CSPP1: variants seen among roughly 807,000 people sequenced by gnomAD.
CSPP1 encodes centrosome and spindle pole associated protein 1.
Under a neutral mutation model 164.4 loss-of-function variants are expected in CSPP1, and 126 were observed. The observed-to-expected ratio is 0.77, with a 90% CI of 0.66 to 0.89. CSPP1 has a LOEUF of 0.89. Ranked by LOEUF, CSPP1 falls within the 40% of genes least tolerant of loss-of-function variation. The probability of loss-of-function intolerance (pLI) is 0.00; values close to 1 mark genes in which losing one functional copy is unlikely to be tolerated. For missense variants in CSPP1, 1,395 were observed against 1,449.8 expected, an observed-to-expected ratio of 0.96 and a Z score of 0.61; for synonymous variants, 472 against 476.7, an observed-to-expected ratio of 0.99 and a Z score of 0.13.
intron 16 of CSPP1, chr8:67,134,534 A>G (rs1027759898): frequency 6.9e-6 from 1 of 144,574 alleles, no homozygotes; most frequent in Non-Finnish European, 1.5e-5. Context: ...GCACAGGTAG[A>G]GTAGATTTAG....
intron 17 of CSPP1, among the ~76,000 whole-genome samples, chr8:67,142,368 TCTTA>T (rs1452373687): frequency 6.6e-6 from 1 of 152,226 alleles, no homozygotes; most frequent in African/African-American, 2.4e-5. Flanking sequence ...TAGTCAGTTC[TCTTA>T]CTTACTCGTC....
chr8:67,097,938 C>T (rs921452302), intron 7 of CSPP1, among the ~76,000 whole-genome samples: 12 of 151,018 alleles, frequency 7.9e-5, no homozygotes, highest in African/African-American at 2.2e-4. Context: ...ATTTTTATTT[C>T]GTTTTTATAT....
chr8:67,090,435 G>A (rs551774784), intron 4 of CSPP1, among the ~76,000 whole-genome samples: 8 of 151,924 alleles, frequency 5.3e-5, no homozygotes, highest in Admixed American at 1.3e-4. Flanking sequence ...ACAGGTGCGC[G>A]GCCCCAAGCC....
rs555912170 is a variant in CSPP1, at chr8:67,065,831, G to A, written c.-11+1293G>A. On this transcript the variant is annotated intron_variant, in intron 1 of 30. Coordinates refer to ENST00000678616, the MANE Select transcript of CSPP1 (RefSeq NM_001382391.1). The stretch of plus-strand genomic sequence containing the variant: ...GCCCTGAGCCATTGTGCCCGTTCAA[G>A]TTTGGGTCTTCTGCCAGATGGCCGC... Among the ~76,000 whole-genome samples, 4 of 152,276 alleles carry A rather than the reference G, an allele frequency of 2.6e-5. No individual in the cohort carries two copies. In the East Asian group the frequency reaches 7.7e-4, roughly 29 times the overall value.
chr8:67,173,739 T>C (rs879703853), intron 25 of CSPP1: 5 of 152,290 alleles, frequency 3.3e-5, no homozygotes, highest in African/African-American at 7.2e-5. Context: ...ATCAATTACG[T>C]ATACTGTTAT....
In CSPP1 at chr8:67,164,256, T is replaced by G. The variant is rs1284387289; in HGVS notation, c.2711-135T>G. The G allele has an allele frequency of 5.2e-6, 3 of 577,768 alleles. No homozygotes were observed. In the Admixed American group the frequency reaches 9.0e-5, roughly 17 times the overall value. The allele number at this position is 577,768 out of a possible 1,614,324, so 35.8% of individuals were successfully genotyped here. ...TATGATCCATGTATGTGTGTATATATAAAATGTTAAAATATCTTTCATAAA... is the reference window on the plus strand; with the variant it reads ...TATGATCCATGTATGTGTGTATATAGAAAATGTTAAAATATCTTTCATAAA... On this transcript the variant is annotated intron_variant, in intron 23 of 30. Coordinates refer to ENST00000678616, the MANE Select transcript of CSPP1 (RefSeq NM_001382391.1).
chr8:67,168,391 A>G (rs1829889750), intron 24 of CSPP1, among the ~76,000 whole-genome samples: 1 of 152,136 alleles, frequency 6.6e-6, no homozygotes, highest in Non-Finnish European at 1.5e-5. Flanking sequence ...TTTTCTTTTC[A>G]TTAATAAATT....
chr8:67,076,503 T>G lies in CSPP1; in HGVS notation c.121T>G (p.Ser41Ala). 6.3e-7 allele frequency: 1 copy of G among 1,591,620 alleles called. No individual in the cohort carries two copies. The highest frequency in any genetic ancestry group is 2.3e-5 in the East Asian group (1 of 44,060). Residue 41 changes from serine to alanine, a missense_variant, in exon 3 of 31, where the codon TCT becomes GCT. Ser to Ala is a moderately conservative substitution (Grantham distance 99, BLOSUM62 1). Transcript: ENST00000678616. Reference protein sequence around the residue: ...EMKGKLSAKLSENSKILISMA... With the variant: ...EMKGKLSAKLAENSKILISMA... ...TCAGGGAAAGTTGTCAGCGAAGCTT[T>G]CTGAAAACAGTAAGATACTGATCTC...
Position 67,137,596 on chromosome 8 carries a change from T to TTTC in CSPP1, c.1968_1969insTTC (p.Asn656_Leu657insPhe). The TTTC allele has an allele frequency of 6.5e-7, 1 of 1,543,600 alleles. No individual in the cohort carries two copies. On this transcript the variant is annotated inframe_insertion, in exon 17 of 31. Transcript: ENST00000678616. ...CTCCTCTCAGGGATGCAAAAGGAAA[T>TTTC]CTGATAAGTACGTTATTTCTACTGA...
intron 28 of CSPP1, among the ~76,000 whole-genome samples, chr8:67,182,250 G>A (rs558091211): frequency 5.3e-5 from 8 of 152,050 alleles, no homozygotes; most frequent in Non-Finnish European, 8.8e-5. Flanking sequence ...TGATCCTCCT[G>A]CGGCCTCCCA....
At chr8:67,158,697 T>G (rs1827145393) in intron 20 of CSPP1, 101 bp downstream of exon 20, 6 of 1,385,538 alleles carry the variant, frequency 4.3e-6, no homozygotes, top group Non-Finnish European at 5.7e-6. Context: ...AGTGTTGGAG[T>G]ACATTTAGAA....
intron 21 of CSPP1, among the ~76,000 whole-genome samples, chr8:67,161,417 C>T (rs1183226582): frequency 6.6e-6 from 1 of 152,026 alleles, no homozygotes; most frequent in African/African-American, 2.4e-5. Flanking sequence ...TCTAGATTTT[C>T]GAGGTTGATT....
At chr8:67,186,970 CATCTATCTATCTATCTATCT>C (rs59504632) in intron 28 of CSPP1, among the ~76,000 whole-genome samples, 14 of 149,870 alleles carry the variant, frequency 9.3e-5, no homozygotes, top group South Asian at 4.3e-4. Context: ...ATCTATCTAT[CATCTATCTATCTATCTATCT>C]ATCTATCTAT....
At chr8:67,092,819 T>G (rs1277578552) in intron 5 of CSPP1, among the ~76,000 whole-genome samples, 1 of 152,246 alleles carries the variant, frequency 6.6e-6, no homozygotes, top group Non-Finnish European at 1.5e-5. Context: ...GAACATTTTT[T>G]AATCATATAT....
At chr8:67,193,732 A>G (rs531744487) in intron 30 of CSPP1, 130 bp downstream of exon 30, 1 of 686,354 alleles carries the variant, frequency 1.5e-6, no homozygotes, top group East Asian at 2.9e-5. Context: ...GTATGGCCCA[A>G]GACATAGTAA....
chr8:67,182,435 G>T (rs1833287064), intron 28 of CSPP1, among the ~76,000 whole-genome samples: 1 of 152,084 alleles, frequency 6.6e-6, no homozygotes, highest in African/African-American at 2.4e-5. Context: ...TGTGAATAAT[G>T]CTCCTATGAA....
At chr8:67,111,220 T>G (rs1201218170) in intron 9 of CSPP1, among the ~76,000 whole-genome samples, 2 of 152,112 alleles carry the variant, frequency 1.3e-5, no homozygotes, top group African/African-American at 4.8e-5. Context: ...AATAATAATC[T>G]TCTCTGCATT....
chr8:67,071,457 C>CT (rs1310739217), intron 1 of CSPP1, among the ~76,000 whole-genome samples: 1 of 151,694 alleles, frequency 6.6e-6, no homozygotes, highest in African/African-American at 2.4e-5. Flanking sequence ...GGTCATCTCT[C>CT]TTTTTCCCTC....
chr8:67,155,919 A>G (rs1192590120), intron 19 of CSPP1, among the ~76,000 whole-genome samples: 1 of 152,170 alleles, frequency 6.6e-6, no homozygotes, highest in African/African-American at 2.4e-5. Context: ...AACAATATAG[A>G]TATTAAATGT....
Sources: gnomAD v4.1 joint callset for allele counts (sites outside exome capture counted in the v4.1 genomes callset) on GRCh38, gnomAD v4.1.1 for gene constraint, MANE v1.5 for transcripts, NCBI Gene and HGNC (gene_info 2026-07-23, HGNC 2026-07-21) for gene names.